The following SLC1A7 variants were observed in gnomAD, a reference collection of about 807,000 sequenced individuals.
The protein encoded by SLC1A7 is excitatory amino acid transporter 5.
Under a neutral mutation model 47.7 loss-of-function variants are expected in SLC1A7, and 40 were observed. The observed-to-expected ratio is 0.84, with a 90% CI of 0.65 to 1.09. SLC1A7 has a LOEUF of 1.09. SLC1A7 is among the 50% of genes least tolerant of loss of function. The probability of loss-of-function intolerance (pLI) is 0.00; values close to 1 mark genes in which losing one functional copy is unlikely to be tolerated. For synonymous variants in SLC1A7, 323 were observed against 325.6 expected, an observed-to-expected ratio of 0.99 and a Z score of 0.09; for missense variants, 746 against 769.5, an observed-to-expected ratio of 0.97 and a Z score of 0.36.
chr1:53,098,735 C>T (rs569633149), intron 5 of SLC1A7, among the ~76,000 whole-genome samples: 34 of 149,192 alleles, frequency 2.3e-4, no homozygotes, highest in Middle Eastern at 3.7e-3. Context: ...CATACCGCCT[C>T]GATACACTCA....
At chr1:53,131,891 AGGGAGAGCCAGGGTGGCATGAAGGG>A (rs1286706678) in intron 2 of SLC1A7, among the ~76,000 whole-genome samples, 2 of 152,242 alleles carry the variant, frequency 1.3e-5, no homozygotes, top group African/African-American at 4.8e-5. Flanking sequence ...GGGTACAGTA[AGGGAGAGCCAGGGTGGCATGAAGGG>A]GTTGGTGGGG....
At chr1:53,142,183 G>T in intron 1 of SLC1A7, 132 bp downstream of exon 1, 3 of 1,025,614 alleles carry the variant, frequency 2.9e-6, no homozygotes, top group Non-Finnish European at 4.1e-6. Context: ...AGAAAACCAG[G>T]ACCCAGAGAG....
Position 53,088,226 on chromosome 1 carries a change from T to G in SLC1A7, c.1466A>C (p.Lys489Thr). Reference protein sequence around the residue: ...KDFARDTGTEKLLPCETKPVS... With the variant: ...KDFARDTGTETLLPCETKPVS... ...TGGCTTGGTCTCGCAGGGCAGCAGT[T>G]TCTGGTGAAGGGAAACAGGTCTTTG... The change falls in exon 11 of 11, where the codon AAA becomes ACA. Residue 489 changes from lysine (K) to threonine (T), a missense_variant and splice_region_variant. Coordinates refer to ENST00000371494, the MANE Select transcript of SLC1A7 (RefSeq NM_006671.6). 2.5e-6 allele frequency: 4 copies of G among 1,602,882 alleles called. No individual in the cohort carries two copies. The highest frequency in any genetic ancestry group is 3.4e-6 in the Non-Finnish European group (4 of 1,173,990).
chr1:53,127,767 A>G (rs937493636), intron 2 of SLC1A7, among the ~76,000 whole-genome samples: 2 of 152,132 alleles, frequency 1.3e-5, no homozygotes, highest in Non-Finnish European at 2.9e-5. Context: ...CTAGAACCTG[A>G]GTGGCTCCAC....
intron 2 of SLC1A7, among the ~76,000 whole-genome samples, chr1:53,117,372 A>T (rs922041998): frequency 3.9e-5 from 6 of 152,340 alleles, no homozygotes; most frequent in Admixed American, 2.0e-4. Flanking sequence ...GATGTCTAGA[A>T]GGGAGAACGA....
At chr1:53,098,731 G>A (rs989594063) in intron 5 of SLC1A7, among the ~76,000 whole-genome samples, 17 of 144,180 alleles carry the variant, frequency 1.2e-4, no homozygotes, top group East Asian at 4.3e-4. Flanking sequence ...CACACATACC[G>A]CCTCGATACA....
chr1:53,122,005 G>A (rs181273199), intron 2 of SLC1A7, among the ~76,000 whole-genome samples: 59 of 152,120 alleles, frequency 3.9e-4, no homozygotes, highest in African/African-American at 1.3e-3. Flanking sequence ...GCCTGGTTGC[G>A]GGGAGCAGCT....
At chr1:53,111,630 T>C (rs1047740219) in intron 3 of SLC1A7, among the ~76,000 whole-genome samples, 1 of 151,810 alleles carries the variant, frequency 6.6e-6, no homozygotes, top group South Asian at 2.1e-4. Context: ...GAATGAGAGA[T>C]GTCAGACCAA....
chr1:53,134,422 C>G lies in SLC1A7; in HGVS notation c.143G>C (p.Ser48Thr). 3 of 1,610,980 alleles carry G rather than the reference C, an allele frequency of 1.9e-6. No homozygotes were observed. The highest frequency in any genetic ancestry group is 2.5e-6 in the Non-Finnish European group (3 of 1,177,698). ...RTRRLSPQEI[S>T]YFQFPGELLM... Reference sequence around the variant, plus strand: ...GAGCTCTCCAGGGAACTGGAAGTAACTAATTTCCTGAAAACACAGTAAGAA... The same window carrying G: ...GAGCTCTCCAGGGAACTGGAAGTAAGTAATTTCCTGAAAACACAGTAAGAA... Residue 48 changes from serine (S) to threonine (T), a missense_variant, in exon 2 of 11, where the codon AGT becomes ACT. By Grantham distance (58) the Ser-to-Thr change is moderately conservative. Transcript: ENST00000371494.
chr1:53,132,867 G>A (rs922683), intron 2 of SLC1A7, among the ~76,000 whole-genome samples: 4,024 of 152,192 alleles, frequency 0.026, 180 homozygotes, highest in African/African-American at 0.092. Context: ...AACTTGAAAC[G>A]TTTGTGAAAC....
chr1:53,092,559 G>C lies in SLC1A7; in HGVS notation c.1026C>G (p.Ser342=), dbSNP rs1327861900. The stretch of plus-strand genomic sequence containing the variant: ...CTGCCCGTCCCCGGGGCTACCTGGA[G>C]GAGGTGGCCAGCGCGATGAGCAGAG... The part of the protein sequence containing the change: ...LQALLIALAT[S]SSSATLPITF... The change falls in exon 7 of 11, where the codon TCC becomes TCG. Residue 342 remains serine (S), a synonymous_variant. Coordinates refer to ENST00000371494, the MANE Select transcript of SLC1A7 (RefSeq NM_006671.6). The C allele has an allele frequency of 6.2e-7, 1 of 1,610,908 alleles. No individual in the cohort carries two copies. Among genetic ancestry groups the C allele is most frequent in the South Asian group, 1.1e-5 (1 of 91,032 alleles).
At chr1:53,107,670 A>G (rs989405140) in intron 3 of SLC1A7, among the ~76,000 whole-genome samples, 1 of 152,212 alleles carries the variant, frequency 6.6e-6, no homozygotes, top group African/African-American at 2.4e-5. Flanking sequence ...TAAATCTACT[A>G]AGAGCTTTTA....
intron 2 of SLC1A7, among the ~76,000 whole-genome samples, chr1:53,124,624 T>C (rs1644861432): frequency 6.7e-6 from 1 of 150,346 alleles, no homozygotes; most frequent in Non-Finnish European, 1.5e-5. Flanking sequence ...AATGGGGCCA[T>C]AATGGGCCAC....
At chr1:53,108,305 T>G (rs1644666520) in intron 3 of SLC1A7, 1 of 419,542 alleles carries the variant, frequency 2.4e-6, no homozygotes. Flanking sequence ...GGAGAACATT[T>G]GGAAGCTCGT....
intron 2 of SLC1A7, among the ~76,000 whole-genome samples, chr1:53,123,457 G>A (rs771862871): frequency 3.9e-5 from 6 of 152,200 alleles, no homozygotes; most frequent in East Asian, 3.9e-4. Context: ...CACCCTGCCC[G>A]GTGTTGAACA....
chr1:53,126,649 T>C (rs1644885860), intron 2 of SLC1A7, among the ~76,000 whole-genome samples: 1 of 152,314 alleles, frequency 6.6e-6, no homozygotes, highest in Admixed American at 6.5e-5. Context: ...TGATTGCCCC[T>C]TGCTAGCATC....
At position 53,103,451 on chromosome 1, in the gene SLC1A7, A is replaced by C. The variant is rs1557675107; in HGVS notation, c.592T>G (p.Phe198Val). ...QEENGSHVQN[F>V]ALDLTPPPEV... The stretch of plus-strand genomic sequence containing the variant: ...GGCGGCGGGGTCAGGTCCAGGGCGA[A>C]GTTCTGCACATGGGAGCCATTCTCC... Residue 198 changes from phenylalanine to valine, a missense_variant, in exon 5 of 11, where the codon TTC becomes GTC. Physicochemically the swap from Phe to Val is conservative, Grantham distance 50. Coordinates refer to ENST00000371494, the MANE Select transcript of SLC1A7 (RefSeq NM_006671.6). The C allele has an allele frequency of 6.2e-7, 1 of 1,613,012 alleles. No homozygotes were observed. The highest frequency in any genetic ancestry group is 2.2e-5 in the East Asian group (1 of 44,830).
At chr1:53,118,200 A>G (rs1331362620) in intron 2 of SLC1A7, among the ~76,000 whole-genome samples, 1 of 152,264 alleles carries the variant, frequency 6.6e-6, no homozygotes, top group Non-Finnish European at 1.5e-5. Context: ...TCAAGGTCCC[A>G]GGCTTCAAGG....
intron 2 of SLC1A7, among the ~76,000 whole-genome samples, chr1:53,125,108 C>T (rs1167877474): frequency 2.6e-5 from 4 of 152,156 alleles, no homozygotes; most frequent in East Asian, 3.8e-4. Context: ...ATTGGCATGG[C>T]GTTAGTGAAC....
Sources: gnomAD v4.1 joint callset for allele counts (sites outside exome capture counted in the v4.1 genomes callset) on GRCh38, gnomAD v4.1.1 for gene constraint, MANE v1.5 for transcripts, NCBI Gene and HGNC (gene_info 2026-07-23, HGNC 2026-07-21) for gene names.